Variants in DAB1 observed in about 807,000 individuals in gnomAD.
DAB1 encodes the protein DAB adaptor protein 1.
In DAB1, 15 loss-of-function variants were observed where a neutral mutation model predicts 64.6. The ratio of observed to expected loss-of-function variants is 0.23; its 90% CI spans 0.16 to 0.36. DAB1 has a LOEUF of 0.36. Ranked by LOEUF, DAB1 falls within the 10% of genes least tolerant of loss-of-function variation. The pLI is 1.00. For synonymous variants in DAB1, 235 were observed against 251.9 expected (o/e 0.93, Z 0.64); for missense variants, 596 against 706.7 (o/e 0.84, Z 1.78).
At chr1:58,385,447 A>C (rs1265908733) in intron 3 of DAB1, among the ~76,000 whole-genome samples, 1 of 152,182 alleles carries the variant, frequency 6.6e-6, no homozygotes, top group Non-Finnish European at 1.5e-5. Flanking sequence ...AAACATGTTG[A>C]GATCACTTTT....
intron 3 of DAB1, among the ~76,000 whole-genome samples, chr1:58,454,024 C>T (rs1234265327): frequency 1.3e-5 from 2 of 152,252 alleles, no homozygotes; most frequent in East Asian, 3.9e-4. Context: ...CCGTGCTACA[C>T]ACTAGCAGCA....
intron 5 of DAB1, among the ~76,000 whole-genome samples, chr1:57,993,721 C>T (rs114501440): frequency 6.6e-6 from 1 of 152,112 alleles, no homozygotes; most frequent in African/African-American, 2.4e-5. Flanking sequence ...GAAATAGATG[C>T]AAATGTCACG....
At chr1:57,582,191 GT>G in intron 7 of DAB1, among the ~76,000 whole-genome samples, 1 of 152,320 alleles carries the variant, frequency 6.6e-6, no homozygotes, top group East Asian at 1.9e-4. Flanking sequence ...AGCCTGGATA[GT>G]TTATAAACAA....
intron 2 of DAB1, among the ~76,000 whole-genome samples, chr1:57,164,839 A>G (rs1057443791): frequency 6.6e-6 from 1 of 152,038 alleles, no homozygotes; most frequent in African/African-American, 2.4e-5. Flanking sequence ...GGTTCCTTAT[A>G]ATATGCCCTC....
chr1:58,437,244 G>C (rs1006748393), intron 3 of DAB1, among the ~76,000 whole-genome samples: 4 of 152,302 alleles, frequency 2.6e-5, no homozygotes, highest in Admixed American at 6.5e-5. Flanking sequence ...CTTGGGAGAG[G>C]CCTGGGAACC....
intron 1 of DAB1, among the ~76,000 whole-genome samples, chr1:57,407,767 AGTGT>A (rs3991224): frequency 0.13 from 18,849 of 146,814 alleles, 1,860 homozygotes; most frequent in East Asian, 0.44. Flanking sequence ...AGATATCTGA[AGTGT>A]GTGTGTGTGT....
intron 7 of DAB1, among the ~76,000 whole-genome samples, chr1:57,533,539 G>A (rs1237949350): frequency 1.0e-4 from 15 of 143,828 alleles, no homozygotes; most frequent in South Asian, 6.6e-4. Flanking sequence ...TTCATAACAG[G>A]TATATATATA....
chr1:57,705,729 T>G (rs1397558305), intron 6 of DAB1, among the ~76,000 whole-genome samples: 1 of 152,152 alleles, frequency 6.6e-6, no homozygotes, highest in East Asian at 1.9e-4. Context: ...TCAATCTTAT[T>G]TTTAAATCGA....
chr1:57,117,851 C>T (rs970391127), intron 4 of DAB1, among the ~76,000 whole-genome samples: 1 of 139,250 alleles, frequency 7.2e-6, no homozygotes, highest in African/African-American at 2.7e-5. Context: ...ATAAAAGGCT[C>T]ATGAAAGTAG....
At chr1:57,357,129 G>C (rs1679174151) in intron 1 of DAB1, among the ~76,000 whole-genome samples, 1 of 151,976 alleles carries the variant, frequency 6.6e-6, no homozygotes, top group Non-Finnish European at 1.5e-5. Context: ...GCACATAATA[G>C]GTGTCCAAAC....
intron 1 of DAB1, among the ~76,000 whole-genome samples, chr1:57,421,865 C>G (rs929833318): frequency 1.7e-5 from 2 of 115,844 alleles, no homozygotes; most frequent in African/African-American, 6.7e-5. Context: ...TGTCACCAAG[C>G]CTTGTCAGGA....
intron 5 of DAB1, among the ~76,000 whole-genome samples, chr1:57,950,462 T>C (rs1206010079): frequency 6.6e-6 from 1 of 152,178 alleles, no homozygotes; most frequent in East Asian, 1.9e-4. Flanking sequence ...CATTTCTCCA[T>C]GTCCTCCTAA....
chr1:57,721,773 T>C lies in DAB1; in HGVS notation n.552-72108A>G, dbSNP rs189112444. 8.8e-3 allele frequency among the ~76,000 whole-genome samples: 1,339 copies of C among 152,278 alleles called. 19 individuals are homozygous for C. Among genetic ancestry groups the C allele is most frequent in the African/African-American group, 0.03 (1,247 of 41,562 alleles). On this transcript the variant is annotated intron_variant and non_coding_transcript_variant, in intron 6 of 20. Transcript: ENST00000485760. ...AGAGAGTGGCTCCTAGTGAGGAGCGTTCGGCATGCTGTGGGCATCCATCTA... is the reference window on the plus strand; with the variant it reads ...AGAGAGTGGCTCCTAGTGAGGAGCGCTCGGCATGCTGTGGGCATCCATCTA...
At chr1:57,143,271 A>G (rs1302745969) in intron 3 of DAB1, among the ~76,000 whole-genome samples, 1 of 152,162 alleles carries the variant, frequency 6.6e-6, no homozygotes, top group African/African-American at 2.4e-5. Flanking sequence ...AAGAAAGCTC[A>G]CTGTGGCTGT....
At chr1:57,001,973 G>A (rs17114782) in intron 14 of DAB1, among the ~76,000 whole-genome samples, 2,254 of 152,214 alleles carry the variant, frequency 0.015, 66 homozygotes, top group African/African-American at 0.052. Context: ...TCAGTATCCC[G>A]AATTCTGAAT....
intron 4 of DAB1, among the ~76,000 whole-genome samples, chr1:58,309,818 GACCTGGA>G (rs1211358556): frequency 4.6e-5 from 7 of 152,114 alleles, no homozygotes; most frequent in Non-Finnish European, 1.0e-4. Flanking sequence ...GACAGGAGGA[GACCTGGA>G]ACTGCTCAGA....
At chr1:57,840,550 T>C (rs1054787097) in intron 1 of DAB1, among the ~76,000 whole-genome samples, 2 of 151,870 alleles carry the variant, frequency 1.3e-5, no homozygotes, top group African/African-American at 4.8e-5. Flanking sequence ...GGGTAATTTA[T>C]GAAAAAAAAA....
chr1:57,839,254 T>C (rs1233106407), intron 1 of DAB1, among the ~76,000 whole-genome samples: 1 of 152,206 alleles, frequency 6.6e-6, no homozygotes, highest in Non-Finnish European at 1.5e-5. Context: ...CTCAGACTCC[T>C]GCTCCATCCT....
At chr1:57,534,329 T>C (rs774176237) in intron 7 of DAB1, among the ~76,000 whole-genome samples, 2 of 152,104 alleles carry the variant, frequency 1.3e-5, no homozygotes, top group Admixed American at 6.5e-5. Context: ...ATGCAATTTG[T>C]GGGGAAAGTG....
Sources: allele counts gnomAD v4.1 joint callset (sites outside exome capture counted in the v4.1 genomes callset), GRCh38; gene constraint gnomAD v4.1.1; transcripts MANE v1.5; gene names NCBI Gene and HGNC (gene_info 2026-07-23, HGNC 2026-07-21).